Variants in FOXJ3 observed in about 807,000 individuals in gnomAD.
FOXJ3 encodes forkhead box protein J3.
In FOXJ3, 22 loss-of-function variants were observed where a neutral mutation model predicts 76.1. The ratio of observed to expected loss-of-function variants is 0.29; its 90% CI spans 0.21 to 0.41. FOXJ3 has a LOEUF of 0.41. FOXJ3 is among the 10% of genes least tolerant of loss of function. The pLI, the probability that FOXJ3 is intolerant of heterozygous loss-of-function variation, is 1.00. For synonymous variants in FOXJ3, 269 were observed against 261.2 expected (o/e 1.03, Z -0.29); for missense variants, 613 against 762.1 (o/e 0.80, Z 2.30).
intron 6 of FOXJ3, among the ~76,000 whole-genome samples, chr1:42,204,156 GA>G (rs1646816544): frequency 6.6e-6 from 1 of 152,056 alleles, no homozygotes; most frequent in Admixed American, 6.6e-5. Context: ...CATGCACTGA[GA>G]ATCGGGAAAT....
chr1:42,287,183 T>C (rs1029488690), intron 2 of FOXJ3, among the ~76,000 whole-genome samples: 1 of 151,304 alleles, frequency 6.6e-6, no homozygotes. Flanking sequence ...TACTAAAAAA[T>C]ACAAAAATTA....
intron 11 of FOXJ3, among the ~76,000 whole-genome samples, chr1:42,185,252 A>ATTTTTTTTTTTTT (rs36007346): frequency 9.2e-6 from 1 of 108,296 alleles, no homozygotes; most frequent in Non-Finnish European, 1.8e-5. Context: ...AACATACTGA[A>ATTTTTTTTTTTTT]TTTTTTTTTT....
At chr1:42,184,229 C>T (rs768535450) in intron 11 of FOXJ3, among the ~76,000 whole-genome samples, 1 of 151,776 alleles carries the variant, frequency 6.6e-6, no homozygotes, top group Non-Finnish European at 1.5e-5. Context: ...AAAATCTTAG[C>T]TCTCACTCTA....
At chr1:42,181,645 TGCCAA>T (rs1557613206) in intron 12 of FOXJ3, among the ~76,000 whole-genome samples, 1 of 152,210 alleles carries the variant, frequency 6.6e-6, no homozygotes, top group African/African-American at 2.4e-5. Flanking sequence ...CTAGCACAAG[TGCCAA>T]GTGGCTGTCC....
chr1:42,295,187 T>C (rs1264334827), intron 2 of FOXJ3, among the ~76,000 whole-genome samples: 3 of 152,186 alleles, frequency 2.0e-5, no homozygotes, highest in African/African-American at 7.2e-5. Flanking sequence ...ACCCAACATG[T>C]AATTTTTCAA....
At chr1:42,231,606 T>C (rs1005540363) in intron 4 of FOXJ3, among the ~76,000 whole-genome samples, 1 of 152,214 alleles carries the variant, frequency 6.6e-6, no homozygotes, top group Non-Finnish European at 1.5e-5. Flanking sequence ...ACTGTACACC[T>C]AAAATGATTC....
intron 1 of FOXJ3, among the ~76,000 whole-genome samples, chr1:42,328,670 T>A (rs1655980891): frequency 6.9e-6 from 1 of 145,658 alleles, no homozygotes; most frequent in Admixed American, 7.4e-5. Flanking sequence ...TATTCATACT[T>A]ATCCTATTTT....
intron 4 of FOXJ3, among the ~76,000 whole-genome samples, chr1:42,244,646 C>T (rs548080910): frequency 8.3e-6 from 1 of 119,892 alleles, no homozygotes; most frequent in East Asian, 2.5e-4. Context: ...GACAGCCACA[C>T]TAATCAAGAA....
chr1:42,317,032 T>C (rs1015164925), intron 1 of FOXJ3, among the ~76,000 whole-genome samples: 1 of 152,130 alleles, frequency 6.6e-6, no homozygotes, highest in Non-Finnish European at 1.5e-5. Flanking sequence ...AATAAAAAAA[T>C]TAAAAATTCA....
At chr1:42,211,575 T>TGATA (rs1406990769) in intron 5 of FOXJ3, among the ~76,000 whole-genome samples, 1 of 151,726 alleles carries the variant, frequency 6.6e-6, no homozygotes, top group African/African-American at 2.4e-5. Context: ...TGGCCATACC[T>TGATA]GTGGATACCT....
intron 6 of FOXJ3, 58 bp downstream of exon 6, chr1:42,205,704 G>A: frequency 1.0e-6 from 1 of 975,466 alleles, no homozygotes; most frequent in Non-Finnish European, 1.6e-6. Context: ...TTATTACAAA[G>A]GCAAATTAAA....
Position 42,311,941 on chromosome 1 carries a change from A to G in FOXJ3, c.-17-831T>C, listed in dbSNP as rs1654840268. ...CTATGGAGCACATGGGAGGGTATCA[A>G]TATTTTCATTGGGCAGAACGATGAT... On this transcript the variant is annotated intron_variant, in intron 1 of 12. Coordinates refer to ENST00000361346, the MANE Select transcript of FOXJ3 (RefSeq NM_014947.5). Among the ~76,000 whole-genome samples the G allele has an allele frequency of 1.3e-5, 2 of 152,246 alleles. 1 individual carries two copies. Among genetic ancestry groups the G allele is most frequent in the South Asian group, 4.1e-4 (2 of 4,836 alleles).
intron 5 of FOXJ3, among the ~76,000 whole-genome samples, chr1:42,222,762 T>A (rs1411297886): frequency 6.6e-6 from 1 of 152,204 alleles, no homozygotes; most frequent in Non-Finnish European, 1.5e-5. Context: ...AATCAGAACA[T>A]AAACTTCATG....
chr1:42,278,986 CA>C, intron 2 of FOXJ3, among the ~76,000 whole-genome samples: 1 of 152,296 alleles, frequency 6.6e-6, no homozygotes, highest in African/African-American at 2.4e-5. Context: ...AAGAGGGCAA[CA>C]GGATCTTGGT....
intron 4 of FOXJ3, among the ~76,000 whole-genome samples, chr1:42,236,083 C>G (rs1302075286): frequency 6.6e-6 from 1 of 152,178 alleles, no homozygotes; most frequent in South Asian, 2.1e-4. Context: ...TCAACGAACA[C>G]AGGATCAGTC....
At chr1:42,275,379 C>T (rs1652183378) in intron 3 of FOXJ3, among the ~76,000 whole-genome samples, 1 of 152,172 alleles carries the variant, frequency 6.6e-6, no homozygotes, top group African/African-American at 2.4e-5. Context: ...TTGTTAATTC[C>T]TATGTAAGAA....
intron 3 of FOXJ3, among the ~76,000 whole-genome samples, chr1:42,276,285 G>A (rs1652252051): frequency 6.6e-6 from 1 of 152,046 alleles, no homozygotes; most frequent in South Asian, 2.1e-4. Flanking sequence ...GAACCCAGGA[G>A]ACGGAGGTTA....
intron 11 of FOXJ3, among the ~76,000 whole-genome samples, chr1:42,182,990 C>T (rs1310571010): frequency 1.3e-5 from 2 of 150,852 alleles, no homozygotes; most frequent in Non-Finnish European, 2.9e-5. Flanking sequence ...AAACATTATT[C>T]TGGGCAAGGC....
chr1:42,277,210 G>A (rs535248373), intron 3 of FOXJ3, among the ~76,000 whole-genome samples: 6 of 152,258 alleles, frequency 3.9e-5, no homozygotes, highest in Non-Finnish European at 5.9e-5. Flanking sequence ...TTGGCAGGCC[G>A]AAGCAGGAGG....
Sources: allele counts gnomAD v4.1 joint callset (sites outside exome capture counted in the v4.1 genomes callset), GRCh38; gene constraint gnomAD v4.1.1; transcripts MANE v1.5; gene names NCBI Gene and HGNC (gene_info 2026-07-23, HGNC 2026-07-21).